The following GUCY2C variants were observed in gnomAD, a reference collection of about 807,000 sequenced individuals.
GUCY2C encodes the protein guanylate cyclase 2C.
A neutral mutation model predicts 131.1 loss-of-function variants in GUCY2C; 118 were observed. That is an observed-to-expected ratio of 0.90 (90% CI 0.78 to 1.05). The LOEUF (loss-of-function observed/expected upper bound fraction) is 1.05. Among genes scored for constraint, GUCY2C ranks in the 50% least tolerant of loss-of-function variants. GUCY2C has a pLI of 0.00. For synonymous variants in GUCY2C, 452 were observed against 457.8 expected, an observed-to-expected ratio of 0.99 and a Z score of 0.16; for missense variants, 1,161 against 1,304.4, an observed-to-expected ratio of 0.89 and a Z score of 1.69.
In GUCY2C at chr12:14,696,571, C is replaced by T. The variant is rs1174325955; in HGVS notation, c.-123G>A. ...GAGTCCCTCAGCCCACTCTTCCCCA[C>T]GCTTCTCTCTGGTCATGCCCAACTG... On this transcript the variant is annotated 5_prime_UTR_variant, in exon 1 of 27. The change creates a new upstream start codon in the 5' untranslated region. Transcript: ENST00000261170. The T allele has an allele frequency of 5.7e-6, 4 of 698,290 alleles. No homozygotes were observed. The highest frequency in any genetic ancestry group is 4.6e-5 in the Admixed American group (2 of 43,024). The allele number at this position is 698,290 out of a possible 1,614,324, so 43.3% of individuals were successfully genotyped here.
intron 11 of GUCY2C, among the ~76,000 whole-genome samples, chr12:14,659,385 A>G (rs1947822686): frequency 6.6e-6 from 1 of 152,096 alleles, no homozygotes; most frequent in Non-Finnish European, 1.5e-5. Context: ...CATCTTTGTC[A>G]TATTATAAGT....
At position 14,696,589 on chromosome 12, in the gene GUCY2C, C is replaced by G; in HGVS notation, c.-141G>C. 1.6e-6 allele frequency: 1 copy of G among 641,556 alleles called. No homozygotes were observed. The highest frequency in any genetic ancestry group is 2.8e-6 in the Non-Finnish European group (1 of 363,404). The allele number at this position is 641,556 out of a possible 1,614,324, so 39.7% of individuals were successfully genotyped here. A position where few individuals can be genotyped will look rare whatever the true frequency, so the allele number is the denominator to read the frequency against. ...TTCCCCACGCTTCTCTCTGGTCATG[C>G]CCAACTGGTCACATGGGCCGTGGAA... On this transcript the variant is annotated 5_prime_UTR_variant, in exon 1 of 27. Coordinates refer to ENST00000261170, the MANE Select transcript of GUCY2C (RefSeq NM_004963.4).
chr12:14,672,907 A>G lies in GUCY2C; in HGVS notation c.1136T>C (p.Met379Thr), dbSNP rs1268735277. 11 of 1,608,586 alleles carry G rather than the reference A, an allele frequency of 6.8e-6. No homozygotes were observed. In the East Asian group the frequency reaches 1.6e-4, roughly 23 times the overall value. ...GTCCACAGAGGTATACAGAAGCACC[A>G]TGGTACTGTCAACATCCCCCCAGTC... ...LDDWGDVDSTMVLLYTSVDTK... is the reference protein window; with the variant it reads ...LDDWGDVDSTTVLLYTSVDTK... Residue 379 changes from methionine to threonine, a missense_variant, in exon 9 of 27, where the codon ATG (methionine) becomes ACG (threonine). Met to Thr is a moderately conservative substitution (Grantham distance 81). Coordinates refer to ENST00000261170, the MANE Select transcript of GUCY2C (RefSeq NM_004963.4).
In GUCY2C at chr12:14,681,423, A is replaced by T. The variant is rs1487601018; in HGVS notation, c.666T>A (p.Phe222Leu). Residue 222 changes from phenylalanine (F) to leucine (L), a missense_variant, in exon 5 of 27, where the codon TTT (phenylalanine) becomes TTA (leucine). Transcript: ENST00000261170. ...SVSYFSHELG[F>L]KVVLRQDKEF... Reference sequence around the variant, plus strand: ...CCTTATCTTGTCTTAACACCACCTTAAAGCCGAGTTCGTGGGAGAAATAGG... The same window carrying T: ...CCTTATCTTGTCTTAACACCACCTTTAAGCCGAGTTCGTGGGAGAAATAGG... The T allele has an allele frequency of 1.5e-5, 24 of 1,612,194 alleles. No homozygotes were observed. The highest frequency in any genetic ancestry group is 2.0e-5 in the Non-Finnish European group (24 of 1,178,342).
Position 14,656,580 on chromosome 12 carries a change from AT to A in GUCY2C, c.1401del (p.Lys467AsnfsTer47). On this transcript the variant is annotated frameshift_variant, in exon 12 of 27. Coordinates refer to ENST00000261170, the MANE Select transcript of GUCY2C (RefSeq NM_004963.4). LOFTEE classifies it high-confidence loss of function. ...YRKDYELRQK[K>X]WSHIPPENIF... ...ATATTTTCAGGAGGAATGTGGGACC[AT>A]TTTTTCTGACGAAGTTCATAATCTT... 3.1e-6 allele frequency: 5 copies of A among 1,598,128 alleles called. No homozygotes were observed. The highest frequency in any genetic ancestry group is 4.3e-6 in the Non-Finnish European group (5 of 1,165,556).
At chr12:14,630,097 CTT>C (rs1159231513) in intron 19 of GUCY2C, among the ~76,000 whole-genome samples, 1 of 143,560 alleles carries the variant, frequency 7.0e-6, no homozygotes. Context: ...CTGTTTGCAG[CTT>C]TTTTTTTTTT....
chr12:14,661,389 G>T (rs1947863711), intron 10 of GUCY2C, among the ~76,000 whole-genome samples: 1 of 152,056 alleles, frequency 6.6e-6, no homozygotes, highest in African/African-American at 2.4e-5. Flanking sequence ...AGTCTACCTG[G>T]TGTCCTTGAA....
In GUCY2C at chr12:14,672,975, G is replaced by C. The variant is rs371683641; in HGVS notation, c.1085-17C>G. 8.3e-4 allele frequency: 1,195 copies of C among 1,443,304 alleles called. 3 individuals carry two copies. The highest frequency in any genetic ancestry group is 1.1e-3 in the Non-Finnish European group (1,080 of 1,024,152). 89.4% of individuals were successfully genotyped at this position (1,443,304 alleles called of 1,614,324 possible). A position where few individuals can be genotyped will look rare whatever the true frequency, so the allele number is the denominator to read the frequency against. ...CGTCATACCCTAGGGCAAGATCAGA[G>C]TATGTTAGAGGCCATTCTTGATTTT... On this transcript the variant is annotated splice_polypyrimidine_tract_variant and intron_variant, in intron 8 of 26. Coordinates refer to ENST00000261170, the MANE Select transcript of GUCY2C (RefSeq NM_004963.4).
chr12:14,636,351 A>G (rs1947270612), intron 19 of GUCY2C, among the ~76,000 whole-genome samples: 1 of 152,238 alleles, frequency 6.6e-6, no homozygotes, highest in Non-Finnish European at 1.5e-5. Flanking sequence ...ATGAAGAACA[A>G]AAGCCATATG....
chr12:14,649,988 T>C (rs1947609191), intron 15 of GUCY2C, among the ~76,000 whole-genome samples: 1 of 152,210 alleles, frequency 6.6e-6, no homozygotes, highest in African/African-American at 2.4e-5. Flanking sequence ...TCATGAAGTA[T>C]TCTTTCACAA....
chr12:14,618,336 G>C (rs997486957), intron 24 of GUCY2C, among the ~76,000 whole-genome samples: 2 of 150,896 alleles, frequency 1.3e-5, no homozygotes. Context: ...AACATAGAGA[G>C]ACCACACCTC....
chr12:14,617,797 C>T (rs1946800886), intron 24 of GUCY2C, among the ~76,000 whole-genome samples: 1 of 152,172 alleles, frequency 6.6e-6, no homozygotes, highest in Non-Finnish European at 1.5e-5. Flanking sequence ...TTCAGAAACC[C>T]TCTTGGCACG....
At chr12:14,691,437 G>T (rs1948573130) in intron 1 of GUCY2C, among the ~76,000 whole-genome samples, 1 of 152,148 alleles carries the variant, frequency 6.6e-6, no homozygotes, top group Non-Finnish European at 1.5e-5. Context: ...GAAACCAGGA[G>T]AACAGAATGA....
rs1948189201 is a variant in GUCY2C, at chr12:14,674,638, A to AT, written c.1070dup (p.Asn357LysfsTer5). On this transcript the variant is annotated frameshift_variant, in exon 8 of 27. Transcript: ENST00000261170. LOFTEE classifies it high-confidence loss of function. ...GTAGACCAGTACCTTCAAAAGTGAG[A>AT]TTCCTGAAAGCATGAGCAAATTTGG... The AT allele has an allele frequency of 1.2e-6, 2 of 1,613,742 alleles. No individual in the cohort carries two copies. The highest frequency in any genetic ancestry group is 4.5e-5 in the East Asian group (2 of 44,872).
intron 26 of GUCY2C, 167 bp downstream of exon 26, chr12:14,614,700 C>A: frequency 1.8e-6 from 1 of 559,444 alleles, no homozygotes; most frequent in Non-Finnish European, 3.1e-6. Flanking sequence ...GGATAATCCC[C>A]TTCTTGCAGT....
chr12:14,637,685 G>A (rs1262113688), intron 19 of GUCY2C, among the ~76,000 whole-genome samples: 1 of 151,892 alleles, frequency 6.6e-6, no homozygotes, highest in Admixed American at 6.6e-5. Context: ...CATACAATGG[G>A]GAAAGGACAC....
chr12:14,636,536 C>T (rs1366603073), intron 19 of GUCY2C, among the ~76,000 whole-genome samples: 1 of 152,120 alleles, frequency 6.6e-6, no homozygotes, highest in African/African-American at 2.4e-5. Context: ...CAATATCACA[C>T]AGAATGAGGA....
intron 2 of GUCY2C, among the ~76,000 whole-genome samples, chr12:14,686,901 G>T (rs1948481922): frequency 6.6e-6 from 1 of 152,128 alleles, no homozygotes; most frequent in Admixed American, 6.5e-5. Context: ...GGCCTGCCTG[G>T]TTGGTGTGAT....
At chr12:14,671,372 A>C (rs1948105830) in intron 9 of GUCY2C, among the ~76,000 whole-genome samples, 1 of 152,090 alleles carries the variant, frequency 6.6e-6, no homozygotes. Context: ...TCTTGACCTC[A>C]AGTGATCCGC....
Sources: gnomAD v4.1 joint callset for allele counts (sites outside exome capture counted in the v4.1 genomes callset) on GRCh38, gnomAD v4.1.1 for gene constraint, MANE v1.5 for transcripts, NCBI Gene and HGNC (gene_info 2026-07-23, HGNC 2026-07-21) for gene names.